Variants in RFT1 observed in about 807,000 individuals in gnomAD.
RFT1 encodes the protein man(5)GlcNAc(2)-PP-dolichol translocation protein RFT1.
In RFT1, 43 loss-of-function variants were observed where a neutral mutation model predicts 62.2. The observed-to-expected ratio is 0.69, with a 90% CI of 0.54 to 0.89. RFT1 has a LOEUF of 0.89. Among genes scored for constraint, RFT1 ranks in the 40% least tolerant of loss-of-function variants. The pLI is 0.00. For synonymous variants in RFT1, 262 were observed against 264.6 expected, an observed-to-expected ratio of 0.99 and a Z score of 0.10; for missense variants, 605 against 649.9, an observed-to-expected ratio of 0.93 and a Z score of 0.75.
intron 1 of RFT1, among the ~76,000 whole-genome samples, chr3:53,126,364 C>T (rs554889507): frequency 2.0e-5 from 3 of 152,242 alleles, no homozygotes; most frequent in Non-Finnish European, 2.9e-5. Context: ...CACACTCCCC[C>T]ACCCCAGCCT....
intron 6 of RFT1, among the ~76,000 whole-genome samples, chr3:53,116,653 G>A (rs879906483): frequency 6.6e-6 from 1 of 151,118 alleles, no homozygotes; most frequent in African/African-American, 2.4e-5. Context: ...CCAGGCTAGA[G>A]TGTAGTGGTG....
chr3:53,128,626 T>C (rs1702177435), intron 1 of RFT1, among the ~76,000 whole-genome samples: 1 of 152,174 alleles, frequency 6.6e-6, no homozygotes, highest in African/African-American at 2.4e-5. Context: ...TCATCCCACC[T>C]CAGCCTCCTG....
At chr3:53,104,816 C>T (rs993710223) in intron 9 of RFT1, among the ~76,000 whole-genome samples, 1 of 152,220 alleles carries the variant, frequency 6.6e-6, no homozygotes, top group African/African-American at 2.4e-5. Context: ...CAACAAAATA[C>T]TCCTAGATTA....
intron 5 of RFT1, among the ~76,000 whole-genome samples, chr3:53,121,150 T>A (rs981266337): frequency 6.6e-6 from 1 of 152,204 alleles, no homozygotes; most frequent in Non-Finnish European, 1.5e-5. Context: ...ACCAGAAATA[T>A]GAACTAGAAC....
At chr3:53,084,128 A>G (rs1425960956), downstream of RFT1, among the ~76,000 whole-genome samples, 1 of 152,222 alleles carries the variant, frequency 6.6e-6, no homozygotes, top group Non-Finnish European at 1.5e-5. Flanking sequence ...GTGAGGGAAG[A>G]TAAGAGTGTG....
At chr3:53,080,259 T>TTC in the RFT1 span, among the ~76,000 whole-genome samples, 5 of 152,202 alleles carry the variant, frequency 3.3e-5, no homozygotes, top group African/African-American at 1.2e-4. Flanking sequence ...GTGCGGAATG[T>TTC]GTGTCTGAAA....
chr3:53,079,442 C>T, the RFT1 span, among the ~76,000 whole-genome samples: 4 of 152,164 alleles, frequency 2.6e-5, no homozygotes. Flanking sequence ...GTGTTCAGGA[C>T]AGCACCCTAG....
rs776522715 is a variant in RFT1 at position 53,123,761 on chromosome 3, G to A, written c.229C>T (p.Arg77Ter). Reference protein sequence around the residue: ...RRACLSGGTQRDWSQTLNLLW... With the variant: ...RRACLSGGTQ ...AGGTTGAGGGTCTGGCTCCAGTCTC[G>A]CTGGGTGCCCCCACTGAGACATGCT... The change falls in exon 3 of 13, where the codon CGA becomes TGA. Residue 77 changes from arginine to a stop codon, truncating the protein, a stop_gained. Transcript: ENST00000296292. LOFTEE classifies it high-confidence loss of function. 15 of 1,614,084 alleles carry A rather than the reference G, an allele frequency of 9.3e-6. No homozygotes were observed. Among genetic ancestry groups the A allele is most frequent in the South Asian group, 2.2e-5 (2 of 91,076 alleles).
At chr3:53,082,507 G>GATAATA in the RFT1 span, among the ~76,000 whole-genome samples, 1 of 151,730 alleles carries the variant, frequency 6.6e-6, no homozygotes, top group African/African-American at 2.4e-5. Flanking sequence ...TAACAATAAT[G>GATAATA]ATAATAATAA....
At chr3:53,129,293 C>T (rs560215461) in intron 1 of RFT1, among the ~76,000 whole-genome samples, 1 of 152,270 alleles carries the variant, frequency 6.6e-6, no homozygotes, top group African/African-American at 2.4e-5. Flanking sequence ...TTGTAGTGTG[C>T]CAGGCACTTA....
intron 1 of RFT1, among the ~76,000 whole-genome samples, chr3:53,128,668 G>A (rs1179881889): frequency 6.6e-6 from 1 of 152,058 alleles, no homozygotes; most frequent in Non-Finnish European, 1.5e-5. Flanking sequence ...ATGCCACCAC[G>A]CCCATCTAAT....
intron 4 of RFT1, among the ~76,000 whole-genome samples, chr3:53,122,051 G>C (rs1272467200): frequency 2.0e-5 from 3 of 152,136 alleles, no homozygotes; most frequent in African/African-American, 4.8e-5. Context: ...GATGAAGAGA[G>C]AAAAGTTAAT....
chr3:53,099,003 T>G (rs1182630509), intron 11 of RFT1, among the ~76,000 whole-genome samples: 2 of 152,092 alleles, frequency 1.3e-5, no homozygotes, highest in Non-Finnish European at 2.9e-5. Context: ...GGAATGTGCA[T>G]CTTGAAGAAG....
At chr3:53,075,365 G>A in the RFT1 span, among the ~76,000 whole-genome samples, 1 of 152,210 alleles carries the variant, frequency 6.6e-6, no homozygotes, top group East Asian at 1.9e-4. Context: ...CTTGTCTCTT[G>A]ATGGCTGAGG....
At chr3:53,106,665 G>A (rs953693104) in intron 8 of RFT1, among the ~76,000 whole-genome samples, 154 bp downstream of exon 8, 19 of 152,006 alleles carry the variant, frequency 1.2e-4, no homozygotes, top group African/African-American at 3.9e-4. Context: ...CATGTTGGAG[G>A]GCATAGTCAG....
At chr3:53,101,305 G>C (rs1701306564) in intron 10 of RFT1, among the ~76,000 whole-genome samples, 1 of 152,168 alleles carries the variant, frequency 6.6e-6, no homozygotes, top group East Asian at 1.9e-4. Context: ...ACCAGGCTCT[G>C]CACCCGGGAG....
chr3:53,080,585 G>A, the RFT1 span, among the ~76,000 whole-genome samples: 1,925 of 152,270 alleles, frequency 0.013, 114 homozygotes, highest in South Asian at 0.17. Flanking sequence ...GGAAACAAAC[G>A]ATTCCAGGGA....
chr3:53,127,800 T>C (rs1702149155), intron 1 of RFT1, among the ~76,000 whole-genome samples: 1 of 151,974 alleles, frequency 6.6e-6, no homozygotes, highest in African/African-American at 2.4e-5. Context: ...GAAATGAGAC[T>C]GTAGAAGTGA....
At chr3:53,094,702 T>C (rs1701093076) in intron 11 of RFT1, among the ~76,000 whole-genome samples, 1 of 152,034 alleles carries the variant, frequency 6.6e-6, no homozygotes, top group South Asian at 2.1e-4. Context: ...AAGTCATAGA[T>C]TCACAAACTT....
Sources: gnomAD v4.1 joint callset for allele counts (sites outside exome capture counted in the v4.1 genomes callset) on GRCh38, gnomAD v4.1.1 for gene constraint, MANE v1.5 for transcripts, NCBI Gene and HGNC (gene_info 2026-07-23, HGNC 2026-07-21) for gene names.